The following MOXD1 variants were observed in gnomAD, a reference collection of about 807,000 sequenced individuals.
The protein encoded by MOXD1 is monooxygenase DBH like 1.
A neutral mutation model predicts 66.6 loss-of-function variants in MOXD1; 62 were observed. That is an observed-to-expected ratio of 0.93 (90% CI 0.76 to 1.15). The LOEUF (loss-of-function observed/expected upper bound fraction) is 1.15. Ranked by LOEUF, MOXD1 falls within the 50% of genes most tolerant of loss-of-function variation. The pLI is 0.00. For missense variants in MOXD1, 847 were observed against 754.6 expected, an observed-to-expected ratio of 1.12 and a Z score of -1.44; for synonymous variants, 303 against 281.9, an observed-to-expected ratio of 1.07 and a Z score of -0.75.
chr6:132,301,577 G>A (rs946880328), intron 10 of MOXD1, among the ~76,000 whole-genome samples: 4 of 151,794 alleles, frequency 2.6e-5, no homozygotes, highest in African/African-American at 4.8e-5. Context: ...TGTCTTTCTC[G>A]GGGTAGAGAA....
At position 132,372,840 on chromosome 6, in the gene MOXD1, A is replaced by G; in HGVS notation, c.569T>C (p.Val190Ala). ...LSTALPYFDL[V>A]NQDVPIPNKD... ...CCTGAAAACACTTACGTCCTGATTT[A>G]CCAGATCAAAGTATGGTAAGGCTGT... The change falls in exon 3 of 12, where the codon GTA (valine) becomes GCA (alanine). Residue 190 changes from valine (V) to alanine (A), a missense_variant. Physicochemically the swap from Val to Ala is moderately conservative, Grantham distance 64. Coordinates refer to ENST00000367963, the MANE Select transcript of MOXD1 (RefSeq NM_015529.4). The G allele has an allele frequency of 6.2e-7, 1 of 1,613,922 alleles. No homozygotes were observed. Among genetic ancestry groups the G allele is most frequent in the Non-Finnish European group, 8.5e-7 (1 of 1,179,862 alleles).
chr6:132,354,999 A>C (rs1018656118), intron 4 of MOXD1, among the ~76,000 whole-genome samples: 1 of 152,090 alleles, frequency 6.6e-6, no homozygotes, highest in African/African-American at 2.4e-5. Context: ...TCTCCCTCCC[A>C]TCATGCCCCT....
At chr6:132,363,690 G>A (rs1186967158) in intron 4 of MOXD1, among the ~76,000 whole-genome samples, 3 of 152,088 alleles carry the variant, frequency 2.0e-5, no homozygotes, top group Non-Finnish European at 4.4e-5. Flanking sequence ...TATGGAAAGT[G>A]GTGGTTATTC....
intron 1 of MOXD1, among the ~76,000 whole-genome samples, chr6:132,378,857 G>T (rs1776448016): frequency 7.9e-6 from 1 of 126,146 alleles, no homozygotes; most frequent in Non-Finnish European, 1.6e-5. Flanking sequence ...GAAAATGAAA[G>T]AGGACAGAAC....
chr6:132,303,843 A>G (rs957572377), intron 10 of MOXD1, among the ~76,000 whole-genome samples: 3,256 of 49,320 alleles, frequency 0.066, 61 homozygotes, highest in East Asian at 0.23. Context: ...GTGTATATAT[A>G]TATATATATA....
At chr6:132,389,465 T>C (rs879300492) in intron 1 of MOXD1, among the ~76,000 whole-genome samples, 15 of 151,260 alleles carry the variant, frequency 9.9e-5, no homozygotes, top group African/African-American at 3.4e-4. Flanking sequence ...AACCTAACCA[T>C]ATAAGGTCAG....
chr6:132,354,373 T>C lies in MOXD1; in HGVS notation c.663+18235A>G, dbSNP rs566168740. On this transcript the variant is annotated intron_variant, in intron 4 of 11. Transcript: ENST00000367963. ...CCTTAATATAGTACTCTCCCCTTTT[T>C]TCTATGGATGTGGCTTCCTGTGAGA... is the stretch of plus-strand genomic sequence containing the variant. 2.6e-5 allele frequency among the ~76,000 whole-genome samples: 4 copies of C among 152,316 alleles called. No homozygotes were observed. In the South Asian group the frequency reaches 8.3e-4, roughly 32 times the overall value.
intron 4 of MOXD1, among the ~76,000 whole-genome samples, chr6:132,333,015 GACAGAGTTAT>G (rs1254004633): frequency 3.3e-5 from 5 of 152,104 alleles, no homozygotes; most frequent in African/African-American, 1.2e-4. Context: ...TTGTAATGAT[GACAGAGTTAT>G]ACATTTTTTA....
intron 4 of MOXD1, among the ~76,000 whole-genome samples, chr6:132,348,151 T>A (rs151091175): frequency 2.0e-5 from 3 of 152,358 alleles, no homozygotes; most frequent in East Asian, 1.9e-4. Context: ...GCTTTCCAGA[T>A]ACTGCATAAG....
At chr6:132,396,509 A>T (rs1395201092) in intron 1 of MOXD1, among the ~76,000 whole-genome samples, 1 of 151,994 alleles carries the variant, frequency 6.6e-6, no homozygotes, top group Non-Finnish European at 1.5e-5. Flanking sequence ...CAAAATTAGT[A>T]GGAGAAAAGA....
rs1437479789 is a variant in MOXD1 at position 132,376,758 on chromosome 6, C to A, written c.265-1981G>T. On this transcript the variant is annotated intron_variant, in intron 1 of 11. Transcript: ENST00000367963. ...TCGATCTCCTGACCTCGTGATCCGCCCGCCTCGGCCTCCCAAAGTGCTGGG... is the reference window on the plus strand; with the variant it reads ...TCGATCTCCTGACCTCGTGATCCGCACGCCTCGGCCTCCCAAAGTGCTGGG... Among the ~76,000 whole-genome samples the A allele has an allele frequency of 1.4e-5, 2 of 144,408 alleles. 1 individual carries two copies. Among genetic ancestry groups the A allele is most frequent in the Non-Finnish European group, 3.0e-5 (2 of 67,424 alleles). The allele number at this position is 144,408 out of a possible 152,430, so 94.7% of individuals were successfully genotyped here. A position where few individuals can be genotyped will look rare whatever the true frequency, so the allele number is the denominator to read the frequency against.
intron 10 of MOXD1, among the ~76,000 whole-genome samples, chr6:132,313,772 G>C (rs1159544219): frequency 6.6e-6 from 1 of 151,932 alleles, no homozygotes; most frequent in Non-Finnish European, 1.5e-5. Flanking sequence ...AATATTAGCT[G>C]GGCGTGGTGG....
intron 10 of MOXD1, among the ~76,000 whole-genome samples, chr6:132,303,973 T>G (rs1274752062): frequency 6.7e-6 from 1 of 150,232 alleles, no homozygotes; most frequent in Non-Finnish European, 1.5e-5. Context: ...AGAATAACTA[T>G]ATAATGTGCT....
chr6:132,309,294 C>T (rs1774769531), intron 10 of MOXD1, among the ~76,000 whole-genome samples: 1 of 152,004 alleles, frequency 6.6e-6, no homozygotes. Context: ...AATAAAATAC[C>T]TAGGAATACA....
intron 1 of MOXD1, among the ~76,000 whole-genome samples, chr6:132,388,338 G>C (rs1263199470): frequency 6.6e-6 from 1 of 151,314 alleles, no homozygotes. Flanking sequence ...TTTGCCAAGG[G>C]CCACACAATG....
chr6:132,348,645 T>C (rs975796073), intron 4 of MOXD1, among the ~76,000 whole-genome samples: 2 of 152,218 alleles, frequency 1.3e-5, no homozygotes, highest in Non-Finnish European at 1.5e-5. Flanking sequence ...ACACGGGTGA[T>C]TTATTCCATA....
intron 1 of MOXD1, among the ~76,000 whole-genome samples, chr6:132,394,975 C>G (rs1776840416): frequency 6.6e-6 from 1 of 152,002 alleles, no homozygotes; most frequent in South Asian, 2.1e-4. Flanking sequence ...CATATAGATA[C>G]AATTCAAAAA....
intron 4 of MOXD1, among the ~76,000 whole-genome samples, chr6:132,356,808 C>CA (rs1253587058): frequency 1.3e-5 from 2 of 151,652 alleles, no homozygotes; most frequent in Admixed American, 1.3e-4. Context: ...GAGATTAACC[C>CA]AAAAAAATCC....
At chr6:132,347,213 T>C (rs1398605276) in intron 4 of MOXD1, among the ~76,000 whole-genome samples, 1 of 152,164 alleles carries the variant, frequency 6.6e-6, no homozygotes, top group Admixed American at 6.5e-5. Context: ...CAGGCTTAGA[T>C]TTGCACCCTG....
Sources: gnomAD v4.1 joint callset for allele counts (sites outside exome capture counted in the v4.1 genomes callset) on GRCh38, gnomAD v4.1.1 for gene constraint, MANE v1.5 for transcripts, NCBI Gene and HGNC (gene_info 2026-07-23, HGNC 2026-07-21) for gene names.